The following NPAS3 variants were observed in gnomAD, a reference collection of about 807,000 sequenced individuals.
NPAS3 encodes the protein neuronal PAS domain protein 3, also known as neuronal PAS domain-containing protein 3.
Under a neutral mutation model 73.1 loss-of-function variants are expected in NPAS3, and 14 were observed. The ratio of observed to expected loss-of-function variants is 0.19; its 90% CI spans 0.13 to 0.30. The LOEUF is 0.30. Among genes scored for constraint, NPAS3 ranks in the 10% least tolerant of loss-of-function variants. NPAS3 has a pLI of 1.00. For synonymous variants in NPAS3, 620 were observed against 541.5 expected, an observed-to-expected ratio of 1.14 and a Z score of -2.01; for missense variants, 1,096 against 1,250.0, an observed-to-expected ratio of 0.88 and a Z score of 1.86.
At chr14:33,466,838 C>T (rs2050549046) in intron 4 of NPAS3, among the ~76,000 whole-genome samples, 1 of 152,152 alleles carries the variant, frequency 6.6e-6, no homozygotes, top group Admixed American at 6.5e-5. Context: ...CATGAGAACT[C>T]CACCCCATGA....
intron 4 of NPAS3, among the ~76,000 whole-genome samples, chr14:33,403,344 C>CT (rs1216662859): frequency 6.6e-6 from 1 of 151,626 alleles, no homozygotes; most frequent in Non-Finnish European, 1.5e-5. Context: ...TAGCAGGAGG[C>CT]TTGTGGTATA....
chr14:33,383,042 G>A (rs987051245), intron 4 of NPAS3, among the ~76,000 whole-genome samples: 1 of 140,816 alleles, frequency 7.1e-6, no homozygotes, highest in African/African-American at 2.7e-5. Context: ...AGCCGTGTTT[G>A]TGCCACTGTA....
At chr14:33,660,110 T>G in intron 5 of NPAS3, among the ~76,000 whole-genome samples, 1 of 152,172 alleles carries the variant, frequency 6.6e-6, no homozygotes, top group East Asian at 1.9e-4. Flanking sequence ...TGAAAAAATG[T>G]TAAGGTAAAA....
intron 4 of NPAS3, among the ~76,000 whole-genome samples, chr14:33,453,576 G>A (rs193127599): frequency 2.2e-4 from 33 of 152,244 alleles, no homozygotes; most frequent in Non-Finnish European, 2.8e-4. Context: ...GACAGACAGC[G>A]TATTCTGGAT....
intron 3 of NPAS3, among the ~76,000 whole-genome samples, chr14:33,366,896 A>G (rs1265335226): frequency 1.3e-5 from 2 of 152,194 alleles, no homozygotes; most frequent in African/African-American, 2.4e-5. Context: ...AGGAACCTGA[A>G]CATTCATATG....
chr14:33,661,682 G>C (rs2059312612), intron 5 of NPAS3, among the ~76,000 whole-genome samples: 1 of 152,294 alleles, frequency 6.6e-6, no homozygotes, highest in South Asian at 2.1e-4. Flanking sequence ...CTCTGTTCAT[G>C]AATTATAGTG....
chr14:33,738,139 C>T (rs75477423), intron 7 of NPAS3, among the ~76,000 whole-genome samples: 3,767 of 152,248 alleles, frequency 0.025, 180 homozygotes, highest in African/African-American at 0.085. Context: ...TGAAATCCTC[C>T]TCTATGCCAG....
At chr14:33,360,261 G>C (rs571293394) in intron 3 of NPAS3, among the ~76,000 whole-genome samples, 61 of 148,970 alleles carry the variant, frequency 4.1e-4, no homozygotes, top group African/African-American at 1.5e-3. Context: ...AGACTTTCTA[G>C]CCCTCAAAGA....
chr14:33,124,035 G>T (rs983157148), intron 2 of NPAS3, among the ~76,000 whole-genome samples: 27 of 151,566 alleles, frequency 1.8e-4, no homozygotes, highest in Non-Finnish European at 2.2e-4. Flanking sequence ...TTATTTTTTT[G>T]TAGAGACAGG....
At chr14:33,348,985 T>G (rs1192381976) in intron 3 of NPAS3, among the ~76,000 whole-genome samples, 2 of 152,118 alleles carry the variant, frequency 1.3e-5, no homozygotes, top group African/African-American at 2.4e-5. Context: ...GTCCTCTCAT[T>G]GCCCGTGAGC....
intron 4 of NPAS3, among the ~76,000 whole-genome samples, chr14:33,369,477 G>C (rs1286766561): frequency 1.4e-5 from 2 of 143,256 alleles, no homozygotes; most frequent in Non-Finnish European, 3.1e-5. Flanking sequence ...AAAGATAAAT[G>C]GATGAAAATT....
At chr14:32,981,874 T>G (rs1051628848) in intron 1 of NPAS3, among the ~76,000 whole-genome samples, 1 of 152,210 alleles carries the variant, frequency 6.6e-6, no homozygotes, top group African/African-American at 2.4e-5. Context: ...TAGGCTTCCT[T>G]GCTAGATGAT....
At chr14:33,241,535 A>C (rs1388469590) in intron 3 of NPAS3, among the ~76,000 whole-genome samples, 1 of 151,908 alleles carries the variant, frequency 6.6e-6, no homozygotes, top group African/African-American at 2.4e-5. Flanking sequence ...TTGAAGTATG[A>C]TCTCTGAAAG....
At chr14:33,747,048 GAACTAGAAATACC>G (rs1471461974) in intron 7 of NPAS3, among the ~76,000 whole-genome samples, 8 of 152,050 alleles carry the variant, frequency 5.3e-5, no homozygotes, top group Non-Finnish European at 1.5e-5. Context: ...CAGGGATCTA[GAACTAGAAATACC>G]ATTTGACCCA....
At chr14:33,468,072 T>A (rs1334579731) in intron 4 of NPAS3, among the ~76,000 whole-genome samples, 1 of 152,148 alleles carries the variant, frequency 6.6e-6, no homozygotes, top group African/African-American at 2.4e-5. Context: ...AGAGTACAAG[T>A]GTGACCCATC....
intron 4 of NPAS3, among the ~76,000 whole-genome samples, chr14:33,384,045 T>G (rs987046500): frequency 2.0e-5 from 3 of 152,206 alleles, no homozygotes; most frequent in African/African-American, 7.2e-5. Flanking sequence ...TTGGCTTTGT[T>G]GTTTTCCATT....
chr14:32,972,366 G>A (rs1015147540), intron 1 of NPAS3, among the ~76,000 whole-genome samples: 2 of 152,148 alleles, frequency 1.3e-5, no homozygotes, highest in South Asian at 2.1e-4. Flanking sequence ...ATGAATGTAA[G>A]ATTTAGTTTA....
rs201536609 is a variant in NPAS3 at position 33,125,276 on chromosome 14, GAT to G, written c.140+69285_140+69286del. On this transcript the variant is annotated intron_variant, in intron 2 of 11. Transcript: ENST00000356141. ...CTAGAAGGAAGTAGGTCATATATGA[GAT>G]ATGATTTAACTCTGAAGTGTAACGG... Among the ~76,000 whole-genome samples, 595 of 152,148 alleles carry G rather than the reference GAT, an allele frequency of 3.9e-3. 2 individuals carry two copies. Among genetic ancestry groups the G allele is most frequent in the African/African-American group, 0.014 (572 of 41,530 alleles).
chr14:32,984,406 T>C (rs1021892959), intron 1 of NPAS3, among the ~76,000 whole-genome samples: 1 of 152,128 alleles, frequency 6.6e-6, no homozygotes, highest in African/African-American at 2.4e-5. Context: ...CAAACTTACT[T>C]TGGGAAAAAA....
Sources: allele counts gnomAD v4.1 joint callset (sites outside exome capture counted in the v4.1 genomes callset), GRCh38; gene constraint gnomAD v4.1.1; transcripts MANE v1.5; gene names NCBI Gene and HGNC (gene_info 2026-07-23, HGNC 2026-07-21).